ARHGAP35: variants seen among roughly 807,000 people sequenced by gnomAD.
ARHGAP35 encodes Rho GTPase activating protein 35.
A neutral mutation model predicts 111.1 loss-of-function variants in ARHGAP35; 15 were observed. The ratio of observed to expected loss-of-function variants is 0.13; its 90% CI spans 0.09 to 0.21. The LOEUF (loss-of-function observed/expected upper bound fraction) is 0.21. Among genes scored for constraint, ARHGAP35 ranks in the 10% least tolerant of loss-of-function variants. The pLI is 1.00. For missense variants in ARHGAP35, 1,262 were observed against 1,873.0 expected, an observed-to-expected ratio of 0.67 and a Z score of 6.02; for synonymous variants, 643 against 710.3, an observed-to-expected ratio of 0.91 and a Z score of 1.51.
rs189717192 is a variant in ARHGAP35, at chr19:46,906,851, G to A, written c.-188-11637G>A. ...CACCTGCAATCCCAGCACTTTGGGA[G>A]GCTGAGGTAGGCGGATCACATGAGC... On this transcript the variant is annotated intron_variant, in intron 1 of 6. Coordinates refer to ENST00000672722, the MANE Select transcript of ARHGAP35 (RefSeq NM_004491.5). Among the ~76,000 whole-genome samples the A allele has an allele frequency of 2.2e-3, 328 of 152,332 alleles. 3 individuals are homozygous for A. Among genetic ancestry groups the A allele is most frequent in the Non-Finnish European group, 3.4e-3 (234 of 68,024 alleles).
At chr19:46,998,151 G>A (rs2056724625) in intron 5 of ARHGAP35, among the ~76,000 whole-genome samples, 1 of 151,718 alleles carries the variant, frequency 6.6e-6, no homozygotes, top group African/African-American at 2.4e-5. Flanking sequence ...CAGGGAGTCC[G>A]CACCCCTCCC....
rs545866561 is a variant in ARHGAP35, at chr19:46,968,597, T to C, written c.3827-19392T>C. Among the ~76,000 whole-genome samples the C allele has an allele frequency of 3.9e-5, 6 of 152,326 alleles. No homozygotes were observed. In the South Asian group the frequency reaches 1.2e-3, roughly 32 times the overall value. ...CCCAAATATCCCACTGATGAGTGAATGGATAACGAGATATAATATATTCAT... is the reference window on the plus strand; with the variant it reads ...CCCAAATATCCCACTGATGAGTGAACGGATAACGAGATATAATATATTCAT... On this transcript the variant is annotated intron_variant, in intron 3 of 6. Transcript: ENST00000672722.
intron 3 of ARHGAP35, among the ~76,000 whole-genome samples, chr19:46,961,446 A>G (rs2056481867): frequency 6.6e-6 from 1 of 152,214 alleles, no homozygotes; most frequent in Non-Finnish European, 1.5e-5. Flanking sequence ...CATCAGCTGT[A>G]TATTAGGGTA....
chr19:46,878,293 G>A (rs913549754), intron 1 of ARHGAP35, among the ~76,000 whole-genome samples: 1 of 152,058 alleles, frequency 6.6e-6, no homozygotes, highest in Admixed American at 6.6e-5. Context: ...AAAGTGCTGG[G>A]ATTACAGGTA....
intron 3 of ARHGAP35, among the ~76,000 whole-genome samples, chr19:46,955,279 C>T (rs1432723838): frequency 6.6e-6 from 1 of 152,060 alleles, no homozygotes; most frequent in African/African-American, 2.4e-5. Flanking sequence ...ATGATAAGTT[C>T]GTCTAGTTTG....
chr19:46,876,721 T>C (rs924114900), intron 1 of ARHGAP35, among the ~76,000 whole-genome samples: 2 of 151,930 alleles, frequency 1.3e-5, no homozygotes, highest in African/African-American at 4.8e-5. Context: ...TTGCCCAGGC[T>C]GGTCTTGAAC....
intron 3 of ARHGAP35, among the ~76,000 whole-genome samples, chr19:46,973,401 G>T (rs1370788197): frequency 6.6e-6 from 1 of 151,816 alleles, no homozygotes; most frequent in East Asian, 1.9e-4. Flanking sequence ...TGAAAAATTG[G>T]CCGGGCGCAG....
intron 3 of ARHGAP35, among the ~76,000 whole-genome samples, chr19:46,969,652 T>C (rs2056534034): frequency 6.6e-6 from 1 of 152,156 alleles, no homozygotes; most frequent in Admixed American, 6.5e-5. Context: ...GGGCAGAGGG[T>C]TGGACCAGTC....
intron 1 of ARHGAP35, among the ~76,000 whole-genome samples, chr19:46,911,007 G>A (rs764804342): frequency 2.6e-5 from 4 of 152,088 alleles, no homozygotes; most frequent in Non-Finnish European, 4.4e-5. Flanking sequence ...CGCCCTGCTC[G>A]ATTATTTTCA....
intron 1 of ARHGAP35, among the ~76,000 whole-genome samples, chr19:46,879,416 G>A (rs978463487): frequency 1.3e-5 from 2 of 151,272 alleles, no homozygotes; most frequent in Non-Finnish European, 2.9e-5. Context: ...GTGAAACCCC[G>A]TCTCTACTAA....
intron 1 of ARHGAP35, among the ~76,000 whole-genome samples, chr19:46,868,257 A>G (rs1013788485): frequency 6.6e-6 from 1 of 152,236 alleles, no homozygotes; most frequent in African/African-American, 2.4e-5. Context: ...GTCAGTGTGA[A>G]GAATCCAGAT....
At chr19:46,883,818 G>A (rs1013269108) in intron 1 of ARHGAP35, among the ~76,000 whole-genome samples, 2 of 152,144 alleles carry the variant, frequency 1.3e-5, no homozygotes, top group South Asian at 2.1e-4. Flanking sequence ...ACTTTGAGAG[G>A]CCAGGGTGGG....
intron 1 of ARHGAP35, among the ~76,000 whole-genome samples, chr19:46,880,947 CTTTTTTTTT>C (rs1206653160): frequency 1.8e-5 from 2 of 113,750 alleles, no homozygotes; most frequent in African/African-American, 6.7e-5. Flanking sequence ...AATGAATGTT[CTTTTTTTTT>C]TTTTTTTTTT....
intron 5 of ARHGAP35, among the ~76,000 whole-genome samples, chr19:46,995,733 A>C (rs945161305): frequency 6.6e-6 from 1 of 152,190 alleles, no homozygotes; most frequent in African/African-American, 2.4e-5. Context: ...ACCCAAACCT[A>C]AGCAGCTACT....
intron 5 of ARHGAP35, among the ~76,000 whole-genome samples, chr19:46,996,616 T>C (rs1276716866): frequency 6.6e-6 from 1 of 152,078 alleles, no homozygotes; most frequent in Non-Finnish European, 1.5e-5. Flanking sequence ...ACTCGATGCC[T>C]AATTAAGACA....
intron 1 of ARHGAP35, among the ~76,000 whole-genome samples, chr19:46,894,684 G>A (rs755657283): frequency 1.3e-5 from 2 of 152,096 alleles, no homozygotes; most frequent in Non-Finnish European, 2.9e-5. Flanking sequence ...GACCTCAGGT[G>A]ATCTGCCCGC....
chr19:46,995,515 C>T (rs894783997), intron 5 of ARHGAP35, among the ~76,000 whole-genome samples: 4 of 152,230 alleles, frequency 2.6e-5, no homozygotes, highest in South Asian at 2.1e-4. Context: ...TGCAGGGAGG[C>T]GGGGACCCAG....
intron 1 of ARHGAP35, among the ~76,000 whole-genome samples, chr19:46,866,201 G>C (rs1023762574): frequency 2.0e-5 from 3 of 152,128 alleles, no homozygotes; most frequent in Admixed American, 6.6e-5. Flanking sequence ...ATGATGTCCA[G>C]TTGGTAAGAT....
At chr19:46,967,100 G>A (rs2056520045) in intron 3 of ARHGAP35, among the ~76,000 whole-genome samples, 1 of 151,986 alleles carries the variant, frequency 6.6e-6, no homozygotes, top group Non-Finnish European at 1.5e-5. Flanking sequence ...GACTTGGCCT[G>A]GGCTTTTCAG....
Sources: allele counts gnomAD v4.1 joint callset (sites outside exome capture counted in the v4.1 genomes callset), GRCh38; gene constraint gnomAD v4.1.1; transcripts MANE v1.5; gene names NCBI Gene and HGNC (gene_info 2026-07-23, HGNC 2026-07-21).